Variants in TMEM62 observed in about 807,000 individuals in gnomAD.
TMEM62 encodes the protein transmembrane protein 62.
TMEM62 carries 41 observed loss-of-function variants against 70.4 expected under a neutral mutation model. The ratio of observed to expected loss-of-function variants is 0.58; its 90% CI spans 0.45 to 0.76. The LOEUF (loss-of-function observed/expected upper bound fraction) is 0.76. Ranked by LOEUF, TMEM62 falls within the 30% of genes least tolerant of loss-of-function variation. The probability of loss-of-function intolerance (pLI) is 0.00; values close to 1 mark genes in which losing one functional copy is unlikely to be tolerated. For synonymous variants in TMEM62, 268 were observed against 291.0 expected, an observed-to-expected ratio of 0.92 and a Z score of 0.80; for missense variants, 688 against 788.5, an observed-to-expected ratio of 0.87 and a Z score of 1.53.
intron 9 of TMEM62, among the ~76,000 whole-genome samples, chr15:43,159,600 A>G (rs2038438721): frequency 6.6e-6 from 1 of 152,024 alleles, no homozygotes; most frequent in Admixed American, 6.6e-5. Context: ...GCTGAATAGT[A>G]CTCTATTATG....
In TMEM62 at chr15:43,160,672, T is replaced by TCAGA. The variant is rs1263438603; in HGVS notation, c.1183-9_1183-8insCAGA. 1 of 1,499,774 alleles carries TCAGA rather than the reference T, an allele frequency of 6.7e-7. No individual in the cohort carries two copies. Among genetic ancestry groups the TCAGA allele is most frequent in the African/African-American group, 1.4e-5 (1 of 72,174 alleles). The allele number at this position is 1,499,774 out of a possible 1,614,324, so 92.9% of individuals were successfully genotyped here. A position where few individuals can be genotyped will look rare whatever the true frequency, so the allele number is the denominator to read the frequency against. ...ATGAAAGTTACTTTTCTTCTGTGGT[T>TCAGA]ATTACTAGGATTCTGCTGGAAGAAG... On this transcript the variant is annotated splice_polypyrimidine_tract_variant and intron_variant, in intron 9 of 13. Coordinates refer to ENST00000260403, the MANE Select transcript of TMEM62 (RefSeq NM_024956.4).
intron 4 of TMEM62, among the ~76,000 whole-genome samples, chr15:43,141,628 T>A (rs2036027289): frequency 6.6e-6 from 1 of 152,254 alleles, no homozygotes; most frequent in Admixed American, 6.5e-5. Flanking sequence ...CAACTCTTAC[T>A]ATTTAAGAAA....
At position 43,174,064 on chromosome 15, in the gene TMEM62, A is replaced by G. The variant is rs143010117; in HGVS notation, c.1381+4387A>G. On this transcript the variant is annotated intron_variant, in intron 11 of 13. Coordinates refer to ENST00000260403, the MANE Select transcript of TMEM62 (RefSeq NM_024956.4). Reference sequence around the variant, plus strand: ...TTTTTTAGTAGAGATGGGTTTCACCATGTTGGCCAGGCTGGTCTCAAACTC... The same window carrying G: ...TTTTTTAGTAGAGATGGGTTTCACCGTGTTGGCCAGGCTGGTCTCAAACTC... Among the ~76,000 whole-genome samples the G allele has an allele frequency of 5.7e-3, 864 of 151,744 alleles. 10 individuals carry two copies. Among genetic ancestry groups the G allele is most frequent in the African/African-American group, 0.02 (821 of 41,366 alleles).
intron 10 of TMEM62, among the ~76,000 whole-genome samples, chr15:43,167,340 G>A (rs1284347802): frequency 3.0e-4 from 45 of 152,090 alleles, no homozygotes; most frequent in African/African-American, 8.9e-4. Context: ...GGTGGCTGCC[G>A]GGCGGAGGGG....
intron 9 of TMEM62, among the ~76,000 whole-genome samples, chr15:43,159,677 T>C (rs1320666219): frequency 2.0e-5 from 3 of 152,202 alleles, no homozygotes; most frequent in Non-Finnish European, 2.9e-5. Flanking sequence ...CCAAATCTTA[T>C]TGTGAGCAGT....
chr15:43,148,511 T>C (rs1012232558), intron 5 of TMEM62, among the ~76,000 whole-genome samples: 2 of 152,238 alleles, frequency 1.3e-5, no homozygotes, highest in Non-Finnish European at 2.9e-5. Context: ...TTTCCTTATC[T>C]ATTAAAAGAG....
chr15:43,178,769 G>T, intron 12 of TMEM62, 58 bp downstream of exon 12: 2 of 1,022,010 alleles, frequency 2.0e-6, no homozygotes, highest in South Asian at 3.0e-5. Context: ...TAACAATTTT[G>T]ACAATAGAAT....
chr15:43,133,825 G>T lies in TMEM62; in HGVS notation c.23G>T (p.Arg8Met). 6.9e-7 allele frequency: 1 copy of T among 1,450,264 alleles called. No homozygotes were observed. The highest frequency in any genetic ancestry group is 9.0e-7 in the Non-Finnish European group (1 of 1,108,490). The allele number at this position is 1,450,264 out of a possible 1,614,324, so 89.8% of individuals were successfully genotyped here. The change falls in exon 1 of 14, where the codon AGG (arginine) becomes ATG (methionine). Residue 8 changes from arginine to methionine, a missense_variant. Arg to Met is a moderately conservative substitution (Grantham distance 91). Transcript: ENST00000260403. The stretch of plus-strand genomic sequence containing the variant: ...GGCATGGCTGCAGTGCTGGCTCTCA[G>T]GGTGGTCGCGGGGTTGGCGGCCGCA... Reference protein sequence around the residue: MAAVLALRVVAGLAAAAL... With the variant: MAAVLALMVVAGLAAAAL...
chr15:43,155,640 C>G (rs1451609615), intron 9 of TMEM62, among the ~76,000 whole-genome samples: 1 of 151,904 alleles, frequency 6.6e-6, no homozygotes, highest in Non-Finnish European at 1.5e-5. Context: ...TTTTTTTAGC[C>G]CCAGGAAATC....
intron 4 of TMEM62, among the ~76,000 whole-genome samples, chr15:43,141,172 A>T (rs2035956574): frequency 1.3e-5 from 2 of 152,140 alleles, no homozygotes; most frequent in Non-Finnish European, 1.5e-5. Context: ...ACTGAATGAA[A>T]TCCTGCTTTT....
chr15:43,181,236 TG>T lies in TMEM62; in HGVS notation c.1545del (p.Ile516TyrfsTer12). 1.2e-6 allele frequency: 2 copies of T among 1,614,042 alleles called. No individual in the cohort carries two copies. The highest frequency in any genetic ancestry group is 8.5e-7 in the Non-Finnish European group (1 of 1,179,986). ...GCAAATTTGGTTGCTGCTTTTCCTT[TG>T]GGATATTTGTTAATGGACATTTCCT... is the stretch of plus-strand genomic sequence containing the variant. ...DGKFGCCFSFGIFVNGHFLQG... is the reference protein window; with the variant it reads ...DGKFGCCFSFXIFVNGHFLQG... On this transcript the variant is annotated frameshift_variant, in exon 13 of 14. Transcript: ENST00000260403. LOFTEE classifies it high-confidence loss of function.
intron 11 of TMEM62, among the ~76,000 whole-genome samples, chr15:43,172,701 T>C (rs1045494141): frequency 1.3e-5 from 2 of 152,216 alleles, no homozygotes; most frequent in Admixed American, 1.3e-4. Context: ...TCAACAAATT[T>C]AAAATCAGGT....
chr15:43,139,064 T>C (rs897252739), intron 4 of TMEM62, among the ~76,000 whole-genome samples: 1 of 152,242 alleles, frequency 6.6e-6, no homozygotes, highest in Non-Finnish European at 1.5e-5. Context: ...CAAGCCTGCC[T>C]TGAGCAAGTC....
intron 4 of TMEM62, among the ~76,000 whole-genome samples, chr15:43,140,161 G>A (rs566964288): frequency 7.2e-5 from 11 of 152,152 alleles, no homozygotes; most frequent in Middle Eastern, 3.4e-3. Context: ...CACTTTTTCC[G>A]CTTGTAGATT....
intron 5 of TMEM62, among the ~76,000 whole-genome samples, 160 bp downstream of exon 5, chr15:43,146,794 G>A (rs1300078191): frequency 6.6e-6 from 1 of 152,128 alleles, no homozygotes. Flanking sequence ...GGCTATTTCA[G>A]CACTATTTTT....
intron 11 of TMEM62, 46 bp from the exon 12 acceptor site, chr15:43,178,561 G>A: frequency 1.6e-6 from 2 of 1,220,100 alleles, no homozygotes; most frequent in Non-Finnish European, 2.4e-6. Context: ...TAAAGAAACT[G>A]AACTTTGCAT....
chr15:43,134,397 G>A (rs1254539647), intron 2 of TMEM62, 29 bp downstream of exon 2: 10 of 1,555,980 alleles, frequency 6.4e-6, no homozygotes, highest in Non-Finnish European at 8.9e-6. Flanking sequence ...CTGTGGTGGT[G>A]GTCTGTGGTC....
intron 5 of TMEM62, among the ~76,000 whole-genome samples, chr15:43,147,372 T>C (rs149200427): frequency 6.6e-6 from 1 of 152,338 alleles, no homozygotes; most frequent in Admixed American, 6.5e-5. Flanking sequence ...GTGTGGAAAG[T>C]CTCATTTGAG....
chr15:43,134,344 C>G lies in TMEM62; in HGVS notation c.268C>G (p.Gln90Glu). The G allele has an allele frequency of 6.2e-7, 1 of 1,613,976 alleles. No homozygotes were observed. The highest frequency in any genetic ancestry group is 2.2e-5 in the East Asian group (1 of 44,880). ...CTGTTCTGAAACTATTGACATCATT[C>G]AACCAGCTCTCGTCCTAGCAACAGG... Reference protein sequence around the residue: ...KFCSETIDIIQPALVLATGDL... With the variant: ...KFCSETIDIIEPALVLATGDL... The change falls in exon 2 of 14, where the codon CAA (glutamine) becomes GAA (glutamate). Residue 90 changes from glutamine to glutamate, a missense_variant. Coordinates refer to ENST00000260403, the MANE Select transcript of TMEM62 (RefSeq NM_024956.4).
Sources: allele counts gnomAD v4.1 joint callset (sites outside exome capture counted in the v4.1 genomes callset), GRCh38; gene constraint gnomAD v4.1.1; transcripts MANE v1.5; gene names NCBI Gene and HGNC (gene_info 2026-07-23, HGNC 2026-07-21).